ZHX3: variants seen among roughly 807,000 people sequenced by gnomAD.
ZHX3 encodes zinc fingers and homeoboxes protein 3.
Under a neutral mutation model 64.5 loss-of-function variants are expected in ZHX3, and 20 were observed. That is an observed-to-expected ratio of 0.31 (90% CI 0.22 to 0.45). ZHX3 has a LOEUF of 0.45. ZHX3 is among the 20% of genes least tolerant of loss of function. ZHX3 has a pLI of 1.00. For missense variants in ZHX3, 1,041 were observed against 1,195.8 expected (o/e 0.87, Z 1.91); for synonymous variants, 423 against 461.6 (o/e 0.92, Z 1.07).
chr20:41,273,927 T>C (rs1331005272), intron 1 of ZHX3, among the ~76,000 whole-genome samples: 2 of 152,186 alleles, frequency 1.3e-5, no homozygotes, highest in Non-Finnish European at 2.9e-5. Flanking sequence ...TTACATCACT[T>C]TGAGTAGTAT....
intron 2 of ZHX3, among the ~76,000 whole-genome samples, chr20:41,233,359 C>T (rs370437290): frequency 6.6e-6 from 1 of 152,230 alleles, no homozygotes; most frequent in Admixed American, 6.5e-5. Context: ...TTTACATCCT[C>T]CTAGGCTTTA....
intron 3 of ZHX3, among the ~76,000 whole-genome samples, chr20:41,193,454 G>A (rs1323616797): frequency 6.6e-6 from 1 of 151,898 alleles, no homozygotes; most frequent in Admixed American, 6.6e-5. Flanking sequence ...TTTTCAGATT[G>A]TTCATTGCAA....
rs73907129 is a variant in ZHX3 at position 41,314,367 on chromosome 20, G to A, written c.-245+3142C>T. On this transcript the variant is annotated intron_variant, in intron 1 of 3. Coordinates refer to ENST00000683867, the MANE Select transcript of ZHX3 (RefSeq NM_001384317.1). The stretch of plus-strand genomic sequence containing the variant: ...TAGGCCATCCAAAAACTGATAAGCA[G>A]GGAGAGGAAAAGGACAGAATTGCCA... Among the ~76,000 whole-genome samples, 758 of 152,300 alleles carry A rather than the reference G, an allele frequency of 5.0e-3. 2 individuals carry two copies. The highest frequency in any genetic ancestry group is 0.017 in the African/African-American group (719 of 41,562).
At chr20:41,316,268 T>C (rs1168504960) in intron 1 of ZHX3, among the ~76,000 whole-genome samples, 3 of 152,118 alleles carry the variant, frequency 2.0e-5, no homozygotes, top group East Asian at 3.8e-4. Flanking sequence ...TCATTTTCTA[T>C]GTGTCTTTGA....
chr20:41,227,570 G>C (rs963913723), intron 2 of ZHX3, among the ~76,000 whole-genome samples: 2 of 152,198 alleles, frequency 1.3e-5, no homozygotes, highest in Non-Finnish European at 2.9e-5. Flanking sequence ...CTGCAAGATA[G>C]TTAGCATATT....
chr20:41,247,053 G>A (rs1174763464), intron 2 of ZHX3, among the ~76,000 whole-genome samples: 1 of 152,164 alleles, frequency 6.6e-6, no homozygotes, highest in Non-Finnish European at 1.5e-5. Flanking sequence ...TTGAGCCTAG[G>A]AGTTTGAGAC....
At position 41,204,500 on chromosome 20, in the gene ZHX3, C is replaced by G; in HGVS notation, c.417G>C (p.Val139=). Residue 139 remains valine, a synonymous_variant, in exon 3 of 4, where the codon GTG becomes GTC. Transcript: ENST00000683867. This position sits in a 1 kb window ranked among gnomAD's most constrained non-coding sequence, Gnocchi z 6.6. ...ATCHSGEASF[V]WNVAKPDNHV... ...GATTGTCTGGCTTGGCCACGTTCCA[C>G]ACAAAGCTGGCTTCCCCGGAGTGAC... 5 of 1,614,232 alleles carry G rather than the reference C, an allele frequency of 3.1e-6. No homozygotes were observed. The highest frequency in any genetic ancestry group is 4.2e-6 in the Non-Finnish European group (5 of 1,180,050).
intron 2 of ZHX3, among the ~76,000 whole-genome samples, chr20:41,266,449 G>T (rs1568920539): frequency 6.6e-6 from 1 of 152,068 alleles, no homozygotes; most frequent in Non-Finnish European, 1.5e-5. Context: ...GGCATTGCTA[G>T]GGCCCACCTG....
At chr20:41,298,379 CTA>C (rs2044642602) in intron 1 of ZHX3, among the ~76,000 whole-genome samples, 1 of 152,152 alleles carries the variant, frequency 6.6e-6, no homozygotes, top group Admixed American at 6.6e-5. Flanking sequence ...GAGTGACATG[CTA>C]TGAGGGCTCA....
intron 1 of ZHX3, among the ~76,000 whole-genome samples, chr20:41,314,553 T>C (rs1476517619): frequency 6.6e-6 from 1 of 152,196 alleles, no homozygotes; most frequent in Non-Finnish European, 1.5e-5. Context: ...TAAACATAAC[T>C]GGGAAACTTT....
At chr20:41,235,418 C>T (rs953720333) in intron 2 of ZHX3, among the ~76,000 whole-genome samples, 11 of 152,178 alleles carry the variant, frequency 7.2e-5, no homozygotes, top group African/African-American at 2.7e-4. Context: ...AAAAGCTTAT[C>T]TACCATGACC....
rs754613496 is a variant in ZHX3, at chr20:41,204,535, T to G, written c.382A>C (p.Asn128His). 22 of 1,614,202 alleles carry G rather than the reference T, an allele frequency of 1.4e-5. No individual in the cohort carries two copies. The highest frequency in any genetic ancestry group is 1.9e-5 in the Non-Finnish European group (22 of 1,180,038). ...GCTTCCCCGGAGTGACATGTGGCAT[T>G]GTGCAAGGAAAGCCCCTCAGGGGTT... is the stretch of plus-strand genomic sequence containing the variant. ...AKTPEGLSLH[N>H]ATCHSGEASF... Residue 128 changes from asparagine (N) to histidine (H), a missense_variant, in exon 3 of 4, where the codon AAT becomes CAT. This residue lies in a region of ZHX3 where 358 missense variants were observed against 369.1 expected (regional missense o/e 0.97). Coordinates refer to ENST00000683867, the MANE Select transcript of ZHX3 (RefSeq NM_001384317.1). The surrounding 1 kb of genome is among the most constrained non-coding windows in gnomAD (Gnocchi z 6.6).
intron 2 of ZHX3, among the ~76,000 whole-genome samples, chr20:41,210,038 A>G (rs1482706553): frequency 6.6e-6 from 1 of 152,250 alleles, no homozygotes; most frequent in Non-Finnish European, 1.5e-5. Context: ...TGCACAAAGG[A>G]TATGAACAGA....
chr20:41,311,612 T>C (rs1050251365), intron 1 of ZHX3, among the ~76,000 whole-genome samples: 2 of 152,200 alleles, frequency 1.3e-5, no homozygotes, highest in East Asian at 1.9e-4. Flanking sequence ...TGCATTCATA[T>C]CAGAAGGCAG....
intron 1 of ZHX3, among the ~76,000 whole-genome samples, chr20:41,285,270 C>T (rs765783166): frequency 6.6e-6 from 1 of 152,134 alleles, no homozygotes; most frequent in Non-Finnish European, 1.5e-5. Flanking sequence ...ATATGAATGC[C>T]AACTTACAGA....
chr20:41,271,621 G>A (rs571803751), intron 1 of ZHX3, among the ~76,000 whole-genome samples: 4 of 152,214 alleles, frequency 2.6e-5, no homozygotes, highest in South Asian at 4.1e-4. Flanking sequence ...AGCACTGACT[G>A]TGGGCCAGAA....
chr20:41,273,671 T>C (rs1217242664), intron 1 of ZHX3, among the ~76,000 whole-genome samples: 2 of 152,192 alleles, frequency 1.3e-5, no homozygotes, highest in Non-Finnish European at 2.9e-5. Flanking sequence ...TACAGGTTTA[T>C]TTCTGGACTC....
intron 2 of ZHX3, among the ~76,000 whole-genome samples, chr20:41,230,699 T>G (rs2040550300): frequency 6.6e-6 from 1 of 152,210 alleles, no homozygotes; most frequent in Non-Finnish European, 1.5e-5. Flanking sequence ...TAATTTGACT[T>G]GTGTTTCTTA....
chr20:41,209,052 C>A (rs1375045627), intron 2 of ZHX3, among the ~76,000 whole-genome samples: 2 of 152,108 alleles, frequency 1.3e-5, no homozygotes, highest in South Asian at 2.1e-4. Flanking sequence ...CAATAACAGA[C>A]AAACAGAGAG....
Sources: allele counts gnomAD v4.1 joint callset (sites outside exome capture counted in the v4.1 genomes callset), GRCh38; gene constraint gnomAD v4.1.1; regional missense constraint gnomAD v4.1.1; non-coding constraint Gnocchi (gnomAD v3.1); transcripts MANE v1.5; gene names NCBI Gene and HGNC (gene_info 2026-07-23, HGNC 2026-07-21).